The following VPS54 variants were observed in gnomAD, a reference collection of about 807,000 sequenced individuals.
The protein encoded by VPS54 is VPS54 subunit of GARP complex.
In VPS54, 45 loss-of-function variants were observed where a neutral mutation model predicts 121.5. The ratio of observed to expected loss-of-function variants is 0.37; its 90% CI spans 0.29 to 0.47. The LOEUF (loss-of-function observed/expected upper bound fraction) is 0.47. Among genes scored for constraint, VPS54 ranks in the 20% least tolerant of loss-of-function variants. The pLI is 0.99. For missense variants in VPS54, 1,090 were observed against 1,131.4 expected, an observed-to-expected ratio of 0.96 and a Z score of 0.52; for synonymous variants, 371 against 385.8, an observed-to-expected ratio of 0.96 and a Z score of 0.45.
intron 7 of VPS54, among the ~76,000 whole-genome samples, chr2:63,954,047 A>G (rs1198637494): frequency 1.3e-5 from 2 of 152,202 alleles, no homozygotes; most frequent in African/African-American, 2.4e-5. Flanking sequence ...GTCCACTACA[A>G]AAGCCTAGAA....
At chr2:64,016,074 T>G (rs1043679894) in intron 1 of VPS54, among the ~76,000 whole-genome samples, 1 of 152,220 alleles carries the variant, frequency 6.6e-6, no homozygotes, top group Non-Finnish European at 1.5e-5. Flanking sequence ...CTAATCTCCA[T>G]GTTTCCTCAT....
At chr2:63,944,761 G>A in intron 9 of VPS54, 106 bp from the exon 10 acceptor site, 3 of 880,234 alleles carry the variant, frequency 3.4e-6, no homozygotes, top group Admixed American at 6.0e-5. Context: ...TATATGAACA[G>A]ACACTTTTCA....
intron 13 of VPS54, 152 bp from the exon 14 acceptor site, chr2:63,920,779 A>T (rs1048100296): frequency 2.5e-6 from 1 of 407,756 alleles, no homozygotes; most frequent in African/African-American, 2.1e-5. Flanking sequence ...TGAAATGCTT[A>T]AGAGGTCCAA....
chr2:63,965,842 T>A lies in VPS54; in HGVS notation c.617A>T (p.Gln206Leu), dbSNP rs1675968221. 6.2e-7 allele frequency: 1 copy of A among 1,611,390 alleles called. No individual in the cohort carries two copies. Among genetic ancestry groups the A allele is most frequent in the Non-Finnish European group, 8.5e-7 (1 of 1,179,434 alleles). Reference sequence around the variant, plus strand: ...AAGTCAAAAAGAAATTACCTTTTCTTGAAGCAACTTTGAGGAAGCTGCATC... The same window carrying A: ...AAGTCAAAAAGAAATTACCTTTTCTAGAAGCAACTTTGAGGAAGCTGCATC... ...NRDAASSKLL[Q>L]EKLSHYLDIV... The change falls in exon 6 of 23, where the codon CAA becomes CTA. Residue 206 changes from glutamine to leucine, a missense_variant. Transcript: ENST00000272322.
chr2:63,974,927 A>G (rs1559032915), intron 3 of VPS54: 3 of 1,461,166 alleles, frequency 2.1e-6, no homozygotes, highest in Non-Finnish European at 2.7e-6. Context: ...TTTTCTTATT[A>G]CATTAGTTAG....
chr2:63,920,770 G>C (rs777706205), intron 13 of VPS54, 143 bp from the exon 14 acceptor site: 8 of 443,978 alleles, frequency 1.8e-5, no homozygotes, highest in Non-Finnish European at 2.7e-5. Context: ...AATTGAGCAT[G>C]AAATGCTTAA....
rs1015914185 is a variant in VPS54, at chr2:63,983,731, C to T, written c.136+133G>A. The T allele has an allele frequency of 1.3e-5, 16 of 1,205,288 alleles. No individual in the cohort carries two copies. In the Admixed American group the frequency reaches 2.0e-4, roughly 15 times the overall value. The allele number at this position is 1,205,288 out of a possible 1,614,324, so 74.7% of individuals were successfully genotyped here. A position where few individuals can be genotyped will look rare whatever the true frequency, so the allele number is the denominator to read the frequency against. On this transcript the variant is annotated intron_variant, in intron 2 of 22. Transcript: ENST00000272322. Reference sequence around the variant, plus strand: ...TGCTGGGATTACAGGCGTGAGCCACCGTGCCCGGCCCCCCCAAATGATTTT... The same window carrying T: ...TGCTGGGATTACAGGCGTGAGCCACTGTGCCCGGCCCCCCCAAATGATTTT...
At chr2:63,938,966 A>G (rs1674592181) in intron 11 of VPS54, among the ~76,000 whole-genome samples, 1 of 152,236 alleles carries the variant, frequency 6.6e-6, no homozygotes, top group African/African-American at 2.4e-5. Flanking sequence ...AATACAAATA[A>G]CAGCAACAGA....
At chr2:63,950,639 TG>T (rs1194123055) in intron 7 of VPS54, among the ~76,000 whole-genome samples, 1 of 152,162 alleles carries the variant, frequency 6.6e-6, no homozygotes, top group Admixed American at 6.6e-5. Context: ...TTGAAGCTTG[TG>T]GGTTAGCAGC....
At chr2:63,924,557 T>TG (rs1199498807) in intron 12 of VPS54, among the ~76,000 whole-genome samples, 1 of 152,128 alleles carries the variant, frequency 6.6e-6, no homozygotes, top group Non-Finnish European at 1.5e-5. Flanking sequence ...CTGGGCATGG[T>TG]GGTTCACGCC....
At chr2:63,969,046 C>T (rs1447050840) in intron 4 of VPS54, 55 bp from the exon 5 acceptor site, 10 of 1,396,898 alleles carry the variant, frequency 7.2e-6, no homozygotes, top group East Asian at 4.6e-5. Flanking sequence ...ATTTTAACTC[C>T]GTAAAATACA....
intron 1 of VPS54, among the ~76,000 whole-genome samples, chr2:64,016,601 G>T: frequency 7.9e-6 from 1 of 126,342 alleles, no homozygotes; most frequent in Non-Finnish European, 1.6e-5. Flanking sequence ...AAAAACCACT[G>T]AATTGTATAT....
intron 1 of VPS54, among the ~76,000 whole-genome samples, chr2:64,017,651 A>G (rs972896752): frequency 6.6e-6 from 1 of 152,250 alleles, no homozygotes; most frequent in Non-Finnish European, 1.5e-5. Context: ...GTTGTGATGC[A>G]TTCTTTATTT....
chr2:63,914,891 T>C (rs1673308215), intron 16 of VPS54, among the ~76,000 whole-genome samples: 2 of 151,924 alleles, frequency 1.3e-5, no homozygotes, highest in Non-Finnish European at 2.9e-5. Context: ...CCCAGCACTT[T>C]GGGAGGTCAA....
At chr2:63,992,130 A>G (rs1006287809) in intron 1 of VPS54, among the ~76,000 whole-genome samples, 1 of 151,988 alleles carries the variant, frequency 6.6e-6, no homozygotes, top group African/African-American at 2.4e-5. Context: ...TCCTGTTTCC[A>G]TTCCGGCCGG....
rs532945769 is a variant in VPS54 at position 63,988,468 on chromosome 2, G to A, written c.-20-4449C>T. Among the ~76,000 whole-genome samples the A allele has an allele frequency of 9.2e-5, 14 of 152,286 alleles. No homozygotes were observed. The South Asian group carries it at 1.5e-3, about 16-fold the overall frequency. On this transcript the variant is annotated intron_variant, in intron 1 of 22. Transcript: ENST00000272322. ...TGTGTTGCGGGAAGTCAGGGACCCC[G>A]AACCGAGGGACTGGCTGAAGCCATG...
chr2:64,005,099 T>A (rs868006108), intron 1 of VPS54, among the ~76,000 whole-genome samples: 1,710 of 92,884 alleles, frequency 0.018, 55 homozygotes, highest in Non-Finnish European at 0.021. Flanking sequence ...CTTTTTTTTT[T>A]TTTTTTTTTT....
intron 8 of VPS54, 105 bp from the exon 9 acceptor site, chr2:63,947,595 A>AT (rs1187063044): frequency 1.0e-6 from 1 of 973,816 alleles, no homozygotes; most frequent in Non-Finnish European, 1.4e-6. Flanking sequence ...TCAGATCTCT[A>AT]TCCTGCACAA....
At chr2:63,976,212 T>C (rs1042627112) in intron 3 of VPS54, among the ~76,000 whole-genome samples, 2 of 151,712 alleles carry the variant, frequency 1.3e-5, no homozygotes, top group African/African-American at 4.8e-5. Flanking sequence ...CGTGGTGTTG[T>C]GGTGGTGCTC....
Sources: allele counts gnomAD v4.1 joint callset (sites outside exome capture counted in the v4.1 genomes callset), GRCh38; gene constraint gnomAD v4.1.1; transcripts MANE v1.5; gene names NCBI Gene and HGNC (gene_info 2026-07-23, HGNC 2026-07-21).